Variants in IGSF21 observed in about 807,000 individuals in gnomAD.
IGSF21 encodes the protein immunoglobulin superfamily member 21.
In IGSF21, 28 loss-of-function variants were observed where a neutral mutation model predicts 46.8. That is an observed-to-expected ratio of 0.60 (90% CI 0.44 to 0.82). The LOEUF (loss-of-function observed/expected upper bound fraction) is 0.82. Ranked by LOEUF, IGSF21 falls within the 40% of genes least tolerant of loss-of-function variation. The pLI is 0.00. For missense variants in IGSF21, 624 were observed against 665.5 expected (o/e 0.94, Z 0.69); for synonymous variants, 284 against 273.6 (o/e 1.04, Z -0.38).
chr1:18,141,673 C>T (rs761868688), intron 1 of IGSF21, among the ~76,000 whole-genome samples: 8 of 152,314 alleles, frequency 5.3e-5, no homozygotes, highest in Admixed American at 2.0e-4. Context: ...CTCTGGGCCT[C>T]CATTTCCTTA....
chr1:18,127,689 A>G (rs1274035475), intron 1 of IGSF21, among the ~76,000 whole-genome samples: 1 of 151,984 alleles, frequency 6.6e-6, no homozygotes, highest in Non-Finnish European at 1.5e-5. Flanking sequence ...GATTGCTTGA[A>G]CCCAGGAGTT....
At chr1:18,261,807 G>GC (rs1286880580) in intron 2 of IGSF21, among the ~76,000 whole-genome samples, 1 of 152,184 alleles carries the variant, frequency 6.6e-6, no homozygotes, top group Non-Finnish European at 1.5e-5. Context: ...TTCCCCTGAA[G>GC]CCCCCCGACC....
rs1239224324 is a variant in IGSF21 at position 18,359,379 on chromosome 1, AAAGAAAGG to A, written c.425-2732_425-2725del. On this transcript the variant is annotated intron_variant, in intron 4 of 9. Coordinates refer to ENST00000251296, the MANE Select transcript of IGSF21 (RefSeq NM_032880.5). ...GAAAGAAAGAAAGAAAGAAAGAAAG[AAAGAAAGG>A]AAGGAAGGAAGGAAGGAAGGAAGGA... is the stretch of plus-strand genomic sequence containing the variant. Among the ~76,000 whole-genome samples the A allele has an allele frequency of 4.5e-3, 369 of 82,240 alleles. 3 individuals carry two copies. The highest frequency in any genetic ancestry group is 6.1e-3 in the Middle Eastern group (1 of 164). The allele number at this position is 82,240 out of a possible 152,430, so 54.0% of individuals were successfully genotyped here.
chr1:18,110,831 G>C (rs1348857800), intron 1 of IGSF21: 1 of 152,664 alleles, frequency 6.6e-6, no homozygotes, highest in Non-Finnish European at 1.5e-5. Flanking sequence ...AGTGGCGCCG[G>C]GCTGGGGATG....
At chr1:18,165,232 AG>A (rs1389051091) in intron 1 of IGSF21, among the ~76,000 whole-genome samples, 1 of 152,166 alleles carries the variant, frequency 6.6e-6, no homozygotes, top group Non-Finnish European at 1.5e-5. Context: ...TTTAAACAAC[AG>A]AAATGGTTTT....
chr1:18,367,882 A>G (rs12744749), intron 6 of IGSF21, among the ~76,000 whole-genome samples: 78,883 of 151,358 alleles, frequency 0.52, 21,975 homozygotes, highest in Non-Finnish European at 0.62. Context: ...GGGGTTACAG[A>G]CGTGAGCCAC....
intron 4 of IGSF21, among the ~76,000 whole-genome samples, chr1:18,348,777 A>G (rs2085921423): frequency 1.3e-5 from 2 of 152,176 alleles, no homozygotes; most frequent in South Asian, 4.1e-4. Context: ...AGGTACAGAA[A>G]GGGAGACTGA....
intron 4 of IGSF21, among the ~76,000 whole-genome samples, chr1:18,336,165 G>GA (rs1357826418): frequency 6.6e-6 from 1 of 152,086 alleles, no homozygotes; most frequent in Non-Finnish European, 1.5e-5. Flanking sequence ...CTTTTTATAG[G>GA]AAAAATGCTT....
chr1:18,256,624 A>G (rs1235821442), intron 2 of IGSF21, among the ~76,000 whole-genome samples: 1 of 152,134 alleles, frequency 6.6e-6, no homozygotes, highest in Non-Finnish European at 1.5e-5. Flanking sequence ...TTGGTCTGAC[A>G]TTCTGAATCC....
intron 1 of IGSF21, among the ~76,000 whole-genome samples, chr1:18,175,227 CA>C (rs2086783738): frequency 6.6e-6 from 1 of 152,306 alleles, no homozygotes; most frequent in South Asian, 2.1e-4. Flanking sequence ...TGGCCTTGGA[CA>C]AGTCACTTCC....
At chr1:18,219,303 T>C (rs1466423883) in intron 1 of IGSF21, among the ~76,000 whole-genome samples, 2 of 152,092 alleles carry the variant, frequency 1.3e-5, no homozygotes, top group African/African-American at 4.8e-5. Context: ...TAGGGAAAGA[T>C]TGTTCTGGAA....
intron 1 of IGSF21, among the ~76,000 whole-genome samples, chr1:18,209,983 C>T (rs1320757454): frequency 1.3e-5 from 2 of 152,114 alleles, no homozygotes; most frequent in Admixed American, 6.6e-5. Flanking sequence ...GCTCCTCACC[C>T]AACCCCTCCA....
intron 2 of IGSF21, among the ~76,000 whole-genome samples, chr1:18,233,262 C>T (rs2084644676): frequency 6.6e-6 from 1 of 152,124 alleles, no homozygotes; most frequent in South Asian, 2.1e-4. Flanking sequence ...CCTTTTTCAC[C>T]ATGTGGGAAG....
intron 1 of IGSF21, among the ~76,000 whole-genome samples, chr1:18,173,910 C>T (rs867205503): frequency 5.3e-5 from 8 of 152,124 alleles, no homozygotes; most frequent in African/African-American, 1.2e-4. Flanking sequence ...AGTGCCACCA[C>T]GCCCAGCTAA....
At chr1:18,307,146 G>GT (rs910936930) in intron 3 of IGSF21, among the ~76,000 whole-genome samples, 27 of 149,290 alleles carry the variant, frequency 1.8e-4, no homozygotes, top group East Asian at 5.9e-4. Context: ...GCCATGTCTT[G>GT]TTTTTTTTTT....
chr1:18,350,961 A>C (rs2085946525), intron 4 of IGSF21, among the ~76,000 whole-genome samples: 1 of 151,882 alleles, frequency 6.6e-6, no homozygotes, highest in Non-Finnish European at 1.5e-5. Flanking sequence ...AGAGACTGGG[A>C]GTGGCTCAGA....
intron 3 of IGSF21, among the ~76,000 whole-genome samples, chr1:18,331,251 C>G (rs973508578): frequency 6.6e-6 from 1 of 152,108 alleles, no homozygotes; most frequent in Non-Finnish European, 1.5e-5. Flanking sequence ...TCTTTTATCT[C>G]TCACCCCCTC....
At chr1:18,377,958 G>A (rs1211078515) in intron 9 of IGSF21, among the ~76,000 whole-genome samples, 3 of 152,122 alleles carry the variant, frequency 2.0e-5, no homozygotes, top group Non-Finnish European at 4.4e-5. Flanking sequence ...CTGCTCCCAG[G>A]CCTGCCACAC....
intron 1 of IGSF21, among the ~76,000 whole-genome samples, chr1:18,218,365 G>A (rs746860888): frequency 6.6e-6 from 1 of 152,178 alleles, no homozygotes; most frequent in Admixed American, 6.5e-5. Context: ...CCAACACTGG[G>A]TATTACGATT....
Sources: allele counts gnomAD v4.1 joint callset (sites outside exome capture counted in the v4.1 genomes callset), GRCh38; gene constraint gnomAD v4.1.1; transcripts MANE v1.5; gene names NCBI Gene and HGNC (gene_info 2026-07-23, HGNC 2026-07-21).